PRKG1: variants seen among roughly 807,000 people sequenced by gnomAD.
PRKG1 encodes the protein cGMP-dependent protein kinase 1.
A neutral mutation model predicts 88.1 loss-of-function variants in PRKG1; 35 were observed. The observed-to-expected ratio is 0.40, with a 90% confidence interval of 0.30 to 0.53. PRKG1 has a LOEUF of 0.53. Among genes scored for constraint, PRKG1 ranks in the 20% least tolerant of loss-of-function variants. The pLI, the probability that PRKG1 is intolerant of heterozygous loss-of-function variation, is 0.59. For synonymous variants in PRKG1, 303 were observed against 292.5 expected (o/e 1.04, Z -0.37); for missense variants, 540 against 839.8 (o/e 0.64, Z 4.41).
chr10:52,021,837 A>G (rs1845193963), intron 5 of PRKG1, among the ~76,000 whole-genome samples: 1 of 152,176 alleles, frequency 6.6e-6, no homozygotes, highest in South Asian at 2.1e-4. Context: ...TTTACATTTC[A>G]TTTTGATTGT....
intron 3 of PRKG1, among the ~76,000 whole-genome samples, chr10:51,518,494 T>G (rs1841652362): frequency 6.6e-6 from 1 of 152,196 alleles, no homozygotes; most frequent in Admixed American, 6.5e-5. Flanking sequence ...AGCATTGACA[T>G]CCTGTTAGCA....
chr10:51,004,581 A>G (rs1316600897), intron 1 of PRKG1, among the ~76,000 whole-genome samples: 3 of 152,168 alleles, frequency 2.0e-5, no homozygotes, highest in African/African-American at 4.8e-5. Context: ...AAATGTGCAA[A>G]CTTAGTGGAA....
At chr10:51,845,902 AT>A (rs1387668185) in intron 4 of PRKG1, among the ~76,000 whole-genome samples, 1 of 152,082 alleles carries the variant, frequency 6.6e-6, no homozygotes, top group African/African-American at 2.4e-5. Context: ...AGTTATTTAC[AT>A]ATATTAATTG....
chr10:51,277,435 G>C (rs1485620981), intron 2 of PRKG1, among the ~76,000 whole-genome samples: 1 of 152,118 alleles, frequency 6.6e-6, no homozygotes, highest in Non-Finnish European at 1.5e-5. Context: ...GGATTGTCTT[G>C]GCAATGTGGG....
chr10:52,105,556 C>G (rs1424755337), intron 7 of PRKG1, among the ~76,000 whole-genome samples: 1 of 152,128 alleles, frequency 6.6e-6, no homozygotes, highest in Non-Finnish European at 1.5e-5. Context: ...CTTAGTTTAT[C>G]TTTGAAATCT....
chr10:52,169,739 C>T (rs560979812), intron 9 of PRKG1, among the ~76,000 whole-genome samples: 58 of 152,268 alleles, frequency 3.8e-4, no homozygotes, highest in African/African-American at 1.2e-3. Context: ...ATCTAATTTT[C>T]AGAAACAGGA....
intron 9 of PRKG1, among the ~76,000 whole-genome samples, chr10:52,232,747 G>A (rs2339954): frequency 0.49 from 74,110 of 151,996 alleles, 20,316 homozygotes; most frequent in East Asian, 0.79. Context: ...CACACACTAA[G>A]TCCCTCAACT....
intron 2 of PRKG1, among the ~76,000 whole-genome samples, chr10:51,399,875 C>A (rs1445580640): frequency 1.3e-5 from 2 of 152,130 alleles, no homozygotes; most frequent in Non-Finnish European, 2.9e-5. Flanking sequence ...AGAGCTAGAG[C>A]ATGGAATGTG....
chr10:51,528,936 A>T (rs551500882), intron 3 of PRKG1, among the ~76,000 whole-genome samples: 9 of 152,298 alleles, frequency 5.9e-5, no homozygotes, highest in African/African-American at 2.2e-4. Flanking sequence ...ATTAAAATCC[A>T]TAAAAGTTCT....
intron 3 of PRKG1, among the ~76,000 whole-genome samples, chr10:51,593,731 C>CT (rs561985061): frequency 0.073 from 10,683 of 145,362 alleles, 1,228 homozygotes; most frequent in African/African-American, 0.25. Context: ...AAGGCAGTTC[C>CT]TTTTTTTTTT....
intron 1 of PRKG1, among the ~76,000 whole-genome samples, chr10:51,108,503 C>A (rs1418155519): frequency 6.6e-6 from 1 of 151,844 alleles, no homozygotes; most frequent in African/African-American, 2.4e-5. Flanking sequence ...ACAAGCAAAA[C>A]AAAAACAAAA....
chr10:51,822,272 A>T (rs1461837672), intron 4 of PRKG1, among the ~76,000 whole-genome samples: 3 of 152,096 alleles, frequency 2.0e-5, no homozygotes, highest in African/African-American at 7.2e-5. Context: ...CATTCGCAAC[A>T]TGGATGAGCA....
At chr10:51,542,199 G>GA (rs1842321065) in intron 3 of PRKG1, among the ~76,000 whole-genome samples, 1 of 151,986 alleles carries the variant, frequency 6.6e-6, no homozygotes, top group South Asian at 2.1e-4. Context: ...ACTCTTTCCA[G>GA]AAAAATGCTC....
intron 2 of PRKG1, among the ~76,000 whole-genome samples, chr10:51,310,839 C>T (rs1841166592): frequency 6.6e-6 from 1 of 152,146 alleles, no homozygotes; most frequent in Non-Finnish European, 1.5e-5. Flanking sequence ...ATTAAAAGGT[C>T]ACCCAAATGA....
chr10:51,279,537 C>G (rs1344798006), intron 2 of PRKG1, among the ~76,000 whole-genome samples: 1 of 152,120 alleles, frequency 6.6e-6, no homozygotes, highest in Non-Finnish European at 1.5e-5. Context: ...TCTCTAAGGA[C>G]TTGCTTTATG....
At chr10:51,858,258 CATAT>C (rs1314783893) in intron 4 of PRKG1, among the ~76,000 whole-genome samples, 1 of 10,946 alleles carries the variant, frequency 9.1e-5, no homozygotes, top group East Asian at 7.1e-4. Flanking sequence ...ACATATTATA[CATAT>C]ATATAATATT....
intron 7 of PRKG1, among the ~76,000 whole-genome samples, chr10:52,113,399 G>A (rs1057448587): frequency 6.6e-6 from 1 of 152,068 alleles, no homozygotes; most frequent in African/African-American, 2.4e-5. Context: ...TGAATGGATG[G>A]ATGGATAAAT....
chr10:51,365,504 G>A (rs892159919), intron 2 of PRKG1, among the ~76,000 whole-genome samples: 2 of 151,924 alleles, frequency 1.3e-5, no homozygotes, highest in African/African-American at 4.8e-5. Flanking sequence ...CTCTACAGTG[G>A]AGCAGTCCTG....
chr10:52,206,535 A>T (rs12355173), intron 9 of PRKG1, among the ~76,000 whole-genome samples: 23,586 of 152,132 alleles, frequency 0.16, 2,069 homozygotes, highest in South Asian at 0.26. Context: ...TCAACTGTGG[A>T]AGGTGATGTT....
Sources: allele counts gnomAD v4.1 joint callset (sites outside exome capture counted in the v4.1 genomes callset), GRCh38; gene constraint gnomAD v4.1.1; transcripts MANE v1.5; gene names NCBI Gene and HGNC (gene_info 2026-07-23, HGNC 2026-07-21).